The following PTPRM variants were observed in gnomAD, a reference collection of about 807,000 sequenced individuals.
PTPRM encodes protein tyrosine phosphatase receptor type M, also known as receptor-type tyrosine-protein phosphatase mu.
Under a neutral mutation model 186.7 loss-of-function variants are expected in PTPRM, and 47 were observed. The ratio of observed to expected loss-of-function variants is 0.25; its 90% CI spans 0.20 to 0.32. The LOEUF (loss-of-function observed/expected upper bound fraction) is 0.32, where lower values mean the gene tolerates loss of function less well. Among genes scored for constraint, PTPRM ranks in the 10% least tolerant of loss-of-function variants. PTPRM has a pLI of 1.00. For missense variants in PTPRM, 1,494 were observed against 1,865.0 expected, an observed-to-expected ratio of 0.80 and a Z score of 3.66; for synonymous variants, 668 against 674.9, an observed-to-expected ratio of 0.99 and a Z score of 0.16.
intron 7 of PTPRM, among the ~76,000 whole-genome samples, chr18:8,051,129 C>T (rs1454979616): frequency 1.3e-5 from 2 of 152,130 alleles, no homozygotes; most frequent in East Asian, 1.9e-4. Context: ...TGTGGAACTG[C>T]TGAATCTTTA....
chr18:8,165,831 C>T (rs1164411809), intron 14 of PTPRM, among the ~76,000 whole-genome samples: 2 of 152,302 alleles, frequency 1.3e-5, no homozygotes, highest in South Asian at 2.1e-4. Context: ...CAGCTCCCCA[C>T]GTGCAGAATT....
chr18:7,812,341 A>G (rs572115854), intron 2 of PTPRM, among the ~76,000 whole-genome samples: 2 of 152,122 alleles, frequency 1.3e-5, no homozygotes, highest in African/African-American at 4.8e-5. Flanking sequence ...TCTTCCTTTT[A>G]TCTCTCTCCT....
intron 16 of PTPRM, 40 bp downstream of exon 16, chr18:8,247,959 C>T: frequency 6.7e-7 from 1 of 1,497,660 alleles, no homozygotes; most frequent in Non-Finnish European, 9.3e-7. Flanking sequence ...GCTCTCTCCT[C>T]AGCAGTCAGA....
chr18:8,150,112 C>T (rs550111011), intron 14 of PTPRM, among the ~76,000 whole-genome samples: 3 of 152,138 alleles, frequency 2.0e-5, no homozygotes, highest in Middle Eastern at 3.4e-3. Flanking sequence ...GTGAGTCTGA[C>T]GATTATGTCT....
chr18:7,808,651 A>G (rs1033387148), intron 2 of PTPRM, among the ~76,000 whole-genome samples: 23 of 152,224 alleles, frequency 1.5e-4, no homozygotes, highest in Non-Finnish European at 2.5e-4. Context: ...TGTTTGACAA[A>G]GGACTGAGGT....
At chr18:7,973,811 T>C (rs978888316) in intron 7 of PTPRM, among the ~76,000 whole-genome samples, 4 of 152,204 alleles carry the variant, frequency 2.6e-5, no homozygotes, top group Admixed American at 6.5e-5. Flanking sequence ...GGTAGATGTC[T>C]ACATATGCAA....
chr18:7,816,756 A>G (rs1361532270), intron 2 of PTPRM, among the ~76,000 whole-genome samples: 1 of 152,178 alleles, frequency 6.6e-6, no homozygotes, highest in African/African-American at 2.4e-5. Context: ...AAATTAAAGG[A>G]ATACTTTACA....
intron 2 of PTPRM, among the ~76,000 whole-genome samples, chr18:7,840,179 A>G (rs971765578): frequency 6.6e-6 from 1 of 152,062 alleles, no homozygotes; most frequent in Non-Finnish European, 1.5e-5. Flanking sequence ...TTCAGAGATA[A>G]GTTAAAACCA....
chr18:7,632,055 G>T (rs2038204819), intron 1 of PTPRM, among the ~76,000 whole-genome samples: 1 of 152,176 alleles, frequency 6.6e-6, no homozygotes, highest in Non-Finnish European at 1.5e-5. Flanking sequence ...TAGGCACGTT[G>T]TGCTCAGAAC....
intron 1 of PTPRM, among the ~76,000 whole-genome samples, chr18:7,706,628 A>AAAAAAAAC (rs2040099461): frequency 2.0e-5 from 3 of 149,530 alleles, no homozygotes; most frequent in Non-Finnish European, 1.5e-5. Context: ...AAAAAAAAAA[A>AAAAAAAAC]AACAACAAAA....
At chr18:7,605,322 G>T (rs182621245) in intron 1 of PTPRM, among the ~76,000 whole-genome samples, 1 of 152,196 alleles carries the variant, frequency 6.6e-6, no homozygotes, top group East Asian at 1.9e-4. Flanking sequence ...ATATTGTGAA[G>T]CAGAAAGGCT....
At chr18:7,584,737 A>G (rs2036933008) in intron 1 of PTPRM, among the ~76,000 whole-genome samples, 2 of 152,252 alleles carry the variant, frequency 1.3e-5, no homozygotes, top group African/African-American at 4.8e-5. Context: ...TTTGCAAGGC[A>G]TATTCTTTTC....
At chr18:8,126,338 A>G (rs544604) in intron 13 of PTPRM, among the ~76,000 whole-genome samples, 151,287 of 151,728 alleles carry the variant, frequency 1, 75,424 homozygotes, top group Middle Eastern at 1. Context: ...ATGCAAGATT[A>G]CAAAATATCT....
chr18:8,190,025 T>TC (rs1225766786), intron 14 of PTPRM, among the ~76,000 whole-genome samples: 1 of 152,194 alleles, frequency 6.6e-6, no homozygotes, highest in Non-Finnish European at 1.5e-5. Context: ...TTAAATGACT[T>TC]ATAACAACTA....
At chr18:8,173,854 A>C (rs994884809) in intron 14 of PTPRM, among the ~76,000 whole-genome samples, 2 of 152,162 alleles carry the variant, frequency 1.3e-5, no homozygotes, top group Non-Finnish European at 2.9e-5. Flanking sequence ...GGATCACTTG[A>C]GGTCAGGAGT....
intron 20 of PTPRM, among the ~76,000 whole-genome samples, chr18:8,312,581 A>C (rs73939433): frequency 0.013 from 2,004 of 152,134 alleles, 36 homozygotes; most frequent in African/African-American, 0.046. Flanking sequence ...TATGTGTATT[A>C]TTTTGATGCT....
At position 7,982,450 on chromosome 18, in the gene PTPRM, T is replaced by C. The variant is rs1174172197; in HGVS notation, c.1132+27036T>C. Among the ~76,000 whole-genome samples, 3 of 151,860 alleles carry C rather than the reference T, an allele frequency of 2.0e-5. No homozygotes were observed. The East Asian group carries it at 5.8e-4, about 29-fold the overall frequency. ...GGCAGTAACACTCATGGAGCTGTCATCTCCCAGAATAACAAGGCCTTCTGC... is the reference window on the plus strand; with the variant it reads ...GGCAGTAACACTCATGGAGCTGTCACCTCCCAGAATAACAAGGCCTTCTGC... On this transcript the variant is annotated intron_variant, in intron 7 of 32. Coordinates refer to ENST00000580170, the MANE Select transcript of PTPRM (RefSeq NM_001105244.2).
At chr18:7,571,587 C>T (rs2036567689) in intron 1 of PTPRM, among the ~76,000 whole-genome samples, 1 of 152,166 alleles carries the variant, frequency 6.6e-6, no homozygotes, top group Non-Finnish European at 1.5e-5. Flanking sequence ...GAAATATAGA[C>T]TTAGCTCTTT....
chr18:7,657,201 G>A (rs1004540270), intron 1 of PTPRM, among the ~76,000 whole-genome samples: 1 of 152,194 alleles, frequency 6.6e-6, no homozygotes, highest in African/African-American at 2.4e-5. Flanking sequence ...AGGGTTTGAA[G>A]GCCAGGACGC....
Sources: gnomAD v4.1 joint callset for allele counts (sites outside exome capture counted in the v4.1 genomes callset) on GRCh38, gnomAD v4.1.1 for gene constraint, MANE v1.5 for transcripts, NCBI Gene and HGNC (gene_info 2026-07-23, HGNC 2026-07-21) for gene names.